SLC10A2: variants seen among roughly 807,000 people sequenced by gnomAD.
SLC10A2 encodes the protein ileal sodium/bile acid cotransporter.
In SLC10A2, 34 loss-of-function variants were observed where a neutral mutation model predicts 27.1. The observed-to-expected ratio is 1.26, with a 90% CI of 0.96 to 1.67. The LOEUF is 1.67. Among genes scored for constraint, SLC10A2 ranks in the 40% most tolerant of loss-of-function variants. The pLI is 0.00. For synonymous variants in SLC10A2, 205 were observed against 174.0 expected (o/e 1.18, Z -1.40); for missense variants, 530 against 444.4 (o/e 1.19, Z -1.73).
chr13:103,047,416 G>A (rs1194670595), intron 5 of SLC10A2, among the ~76,000 whole-genome samples: 1 of 151,958 alleles, frequency 6.6e-6, no homozygotes, highest in Non-Finnish European at 1.5e-5. Flanking sequence ...AAACTGTTTT[G>A]AGCTGAGAGT....
intron 1 of SLC10A2, among the ~76,000 whole-genome samples, chr13:103,059,288 CA>C (rs1241752390): frequency 6.6e-6 from 1 of 152,128 alleles, no homozygotes; most frequent in African/African-American, 2.4e-5. Context: ...GTCATTTGCC[CA>C]CTTTTTAATG....
At chr13:103,046,372 A>T (rs1400959472) in intron 5 of SLC10A2, 112 bp from the exon 6 acceptor site, 6 of 881,792 alleles carry the variant, frequency 6.8e-6, no homozygotes, top group Admixed American at 4.4e-5. Context: ...TTTTCTGTAG[A>T]CTGGAGGCTG....
intron 2 of SLC10A2, 71 bp from the exon 3 acceptor site, chr13:103,052,779 G>A (rs1036701700): frequency 6.4e-6 from 6 of 940,172 alleles, no homozygotes; most frequent in Admixed American, 5.2e-5. Flanking sequence ...AGAAGAACAA[G>A]CAGCCTGAAG....
chr13:103,054,008 C>T (rs1377071815), intron 2 of SLC10A2, among the ~76,000 whole-genome samples: 1 of 152,142 alleles, frequency 6.6e-6, no homozygotes, highest in African/African-American at 2.4e-5. Flanking sequence ...TATGGTTTGG[C>T]TCTCTGTCCC....
chr13:103,052,859 C>A (rs1329081714), intron 2 of SLC10A2, 151 bp from the exon 3 acceptor site: 2 of 674,870 alleles, frequency 3.0e-6, no homozygotes, highest in East Asian at 2.7e-5. Context: ...CACACACACA[C>A]ATGCACACAC....
At position 103,046,142 on chromosome 13, in the gene SLC10A2, G is replaced by C; in HGVS notation, c.1038C>G (p.Asp346Glu). The stretch of plus-strand genomic sequence containing the variant: ...TTTGTCCACTTGATGTCTACTTTTC[G>C]TCAGGTTGAAATCCTCCATTTGCCT... ...FYKANGGFQP[D>E]EK is the part of the protein sequence containing the mutation. Residue 346 changes from aspartate (D) to glutamate (E), a missense_variant, in exon 6 of 6, where the codon GAC (aspartate) becomes GAG (glutamate). Physicochemically the swap from Asp to Glu is conservative, Grantham distance 45 (BLOSUM62 2). Transcript: ENST00000245312. 6.2e-7 allele frequency: 1 copy of C among 1,613,634 alleles called. No homozygotes were observed.
At chr13:103,062,155 A>C (rs1004378221) in intron 1 of SLC10A2, among the ~76,000 whole-genome samples, 1 of 152,244 alleles carries the variant, frequency 6.6e-6, no homozygotes, top group East Asian at 1.9e-4. Context: ...AATGTAAAAG[A>C]TTGTAATCAT....
rs760087915 is a variant in SLC10A2 at position 103,058,320 on chromosome 13, A to T, written c.440T>A (p.Ile147Asn). Residue 147 changes from isoleucine (I) to asparagine (N), a missense_variant, in exon 2 of 6, where the codon ATC (isoleucine) becomes AAC (asparagine). Ile to Asn is a moderately radical substitution (Grantham distance 149). Transcript: ENST00000245312. ...AGAGTCGACCCACATTTTGGTATAG[A>T]TAAGGAGGCACAGCGGCATCATTCC... is the stretch of plus-strand genomic sequence containing the variant. ...ALGMMPLCLL[I>N]YTKMWVDSGS... The T allele has an allele frequency of 1.1e-5, 17 of 1,613,926 alleles. No individual in the cohort carries two copies. The highest frequency in any genetic ancestry group is 1.4e-5 in the Non-Finnish European group (17 of 1,179,880).
intron 1 of SLC10A2, among the ~76,000 whole-genome samples, chr13:103,059,829 A>T (rs1318947705): frequency 6.6e-6 from 1 of 152,192 alleles, no homozygotes; most frequent in African/African-American, 2.4e-5. Context: ...TGTTGCCATA[A>T]AGCAGAAAAA....
Position 103,058,387 on chromosome 13 carries a change from A to G in SLC10A2, c.378-5T>C. ...GAGCATGTGGTCATGCTGACGCTGAAAGGCAATGGGCAGATTGATACATCC... is the reference window on the plus strand; with the variant it reads ...GAGCATGTGGTCATGCTGACGCTGAGAGGCAATGGGCAGATTGATACATCC... On this transcript the variant is annotated splice_region_variant and splice_polypyrimidine_tract_variant and intron_variant, in intron 1 of 5. Transcript: ENST00000245312. 1.9e-6 allele frequency: 3 copies of G among 1,566,304 alleles called. No homozygotes were observed. Among genetic ancestry groups the G allele is most frequent in the Non-Finnish European group, 2.6e-6 (3 of 1,136,698 alleles).
At chr13:103,065,846 A>C in intron 1 of SLC10A2, 27 bp downstream of exon 1, 1 of 1,613,386 alleles carries the variant, frequency 6.2e-7, no homozygotes, top group Non-Finnish European at 8.5e-7. Context: ...AGGTGATTGC[A>C]GTAGTTAGAG....
At chr13:103,053,107 TG>T (rs1875837511) in intron 2 of SLC10A2, among the ~76,000 whole-genome samples, 2 of 141,164 alleles carry the variant, frequency 1.4e-5, no homozygotes, top group Non-Finnish European at 3.0e-5. Context: ...TGTGTGTGTG[TG>T]TGTGTGTGTG....
At chr13:103,058,513 A>T in intron 1 of SLC10A2, 131 bp from the exon 2 acceptor site, 1 of 687,124 alleles carries the variant, frequency 1.5e-6, no homozygotes, top group Non-Finnish European at 2.7e-6. Flanking sequence ...ATATAGGTCA[A>T]CTTGTGTCAT....
Position 103,045,746 on chromosome 13 carries a change from TTAAC to T in SLC10A2, c.*383_*386del, listed in dbSNP as rs1354279320. 2 of 171,578 alleles carry T rather than the reference TTAAC, an allele frequency of 1.2e-5. No homozygotes were observed. Among genetic ancestry groups the T allele is most frequent in the Admixed American group, 5.7e-5 (1 of 17,594 alleles). 10.6% of individuals were successfully genotyped at this position (171,578 alleles called of 1,614,324 possible). ...ATAATAATAATTCATTACATCTACT[TTAAC>T]ATACAGAAAGTCAGGTTGTCATCTA... On this transcript the variant is annotated 3_prime_UTR_variant, in exon 6 of 6. Transcript: ENST00000245312.
intron 5 of SLC10A2, 45 bp from the exon 6 acceptor site, chr13:103,046,305 A>C (rs995195753): frequency 6.7e-7 from 1 of 1,497,300 alleles, no homozygotes; most frequent in Non-Finnish European, 9.2e-7. Context: ...TATAATAATA[A>C]ACTGCAAAAT....
chr13:103,059,900 A>G (rs943625709), intron 1 of SLC10A2, among the ~76,000 whole-genome samples: 7 of 152,312 alleles, frequency 4.6e-5, no homozygotes, highest in Admixed American at 3.9e-4. Context: ...AAATCAAAAG[A>G]AAGCATGCAA....
At chr13:103,058,200 C>A in intron 2 of SLC10A2, 64 bp downstream of exon 2, 1 of 975,638 alleles carries the variant, frequency 1.0e-6, no homozygotes. Context: ...GTCTGAGAGC[C>A]TAGCAGGGGG....
intron 1 of SLC10A2, among the ~76,000 whole-genome samples, 195 bp downstream of exon 1, chr13:103,065,678 C>A (rs72659705): frequency 0.024 from 3,679 of 152,264 alleles, 62 homozygotes; most frequent in Middle Eastern, 0.054. Flanking sequence ...AACACAAACA[C>A]AAAATATAAA....
At position 103,052,705 on chromosome 13, in the gene SLC10A2, G is replaced by A. The variant is rs202168953; in HGVS notation, c.500C>T (p.Thr167Ile). 775 of 1,591,182 alleles carry A rather than the reference G, an allele frequency of 4.9e-4. No individual in the cohort carries two copies. The highest frequency in any genetic ancestry group is 6.3e-4 in the Non-Finnish European group (731 of 1,159,452). ...AGGAACAACGAGAGAAACCAGAGAT[G>A]TACCTAAAGATGACAGAAGGGCAAT... is the stretch of plus-strand genomic sequence containing the variant. ...SIVIPYDNIG[T>I]SLVSLVVPVS... Residue 167 changes from threonine to isoleucine, a missense_variant, in exon 3 of 6, where the codon ACA becomes ATA. Coordinates refer to ENST00000245312, the MANE Select transcript of SLC10A2 (RefSeq NM_000452.3).
Sources: gnomAD v4.1 joint callset for allele counts (sites outside exome capture counted in the v4.1 genomes callset) on GRCh38, gnomAD v4.1.1 for gene constraint, MANE v1.5 for transcripts, NCBI Gene and HGNC (gene_info 2026-07-23, HGNC 2026-07-21) for gene names.